ENTREP2: variants seen among roughly 807,000 people sequenced by gnomAD.
ENTREP2 encodes the protein protein ENTREP2.
At chr15:29,255,961 A>G in the ENTREP2 span, among the ~76,000 whole-genome samples, 3 of 149,228 alleles carry the variant, frequency 2.0e-5, no homozygotes, top group African/African-American at 5.0e-5. Context: ...AGATCACGCT[A>G]CTGCACTCCA....
the ENTREP2 span, among the ~76,000 whole-genome samples, chr15:29,186,318 T>C: frequency 1.2e-3 from 188 of 152,312 alleles, 1 homozygote; most frequent in Non-Finnish European, 1.9e-3. Flanking sequence ...GGTCCCTGCA[T>C]TGGGGGAAGG....
chr15:29,577,197 G>A, the ENTREP2 span, among the ~76,000 whole-genome samples: 2 of 152,044 alleles, frequency 1.3e-5, no homozygotes, highest in Non-Finnish European at 2.9e-5. Flanking sequence ...CATTTCTGGT[G>A]GGAATGTAAA....
chr15:29,137,129 G>A, the ENTREP2 span: 5 of 1,476,776 alleles, frequency 3.4e-6, no homozygotes, highest in South Asian at 4.2e-5. Flanking sequence ...CCAGGGTCTG[G>A]TGGAGAACGG....
chr15:29,659,533 G>A, the ENTREP2 span, among the ~76,000 whole-genome samples: 1 of 151,998 alleles, frequency 6.6e-6, no homozygotes, highest in Non-Finnish European at 1.5e-5. Flanking sequence ...CACTGTCTAG[G>A]TCATGAAACA....
the ENTREP2 span, among the ~76,000 whole-genome samples, chr15:29,246,821 C>T: frequency 1.3e-5 from 2 of 151,958 alleles, no homozygotes; most frequent in African/African-American, 2.4e-5. Flanking sequence ...TGGAATTATC[C>T]GCTACTCCCT....
the ENTREP2 span, chr15:29,235,200 CAGAT>C: frequency 1.1e-5 from 7 of 640,994 alleles, no homozygotes; most frequent in African/African-American, 7.4e-5. Context: ...TGTCATAAAA[CAGAT>C]AGTTCTATAG....
At chr15:29,646,903 T>C in the ENTREP2 span, among the ~76,000 whole-genome samples, 1 of 152,174 alleles carries the variant, frequency 6.6e-6, no homozygotes, top group East Asian at 1.9e-4. Flanking sequence ...ATCAATGGGT[T>C]ACTACAGTGG....
chr15:29,416,315 T>C, the ENTREP2 span, among the ~76,000 whole-genome samples: 1 of 152,036 alleles, frequency 6.6e-6, no homozygotes, highest in African/African-American at 2.4e-5. Flanking sequence ...ACCAATGGAA[T>C]ACAACAGAGC....
the ENTREP2 span, among the ~76,000 whole-genome samples, chr15:29,140,583 C>T: frequency 5.3e-5 from 8 of 152,154 alleles, no homozygotes; most frequent in Non-Finnish European, 1.0e-4. Flanking sequence ...GCTCTAATCC[C>T]TACTATCAAA....
chr15:29,174,136 C>T, the ENTREP2 span, among the ~76,000 whole-genome samples: 6 of 152,328 alleles, frequency 3.9e-5, no homozygotes, highest in East Asian at 1.2e-3. Flanking sequence ...AAGCCATCTA[C>T]AGATGTGACT....
chr15:29,639,830 A>G, the ENTREP2 span, among the ~76,000 whole-genome samples: 1 of 146,432 alleles, frequency 6.8e-6, no homozygotes, highest in Non-Finnish European at 1.5e-5. Context: ...GTGCAATGGC[A>G]TAATCTCGGC....
At chr15:29,431,027 A>G in the ENTREP2 span, among the ~76,000 whole-genome samples, 1 of 152,112 alleles carries the variant, frequency 6.6e-6, no homozygotes, top group Non-Finnish European at 1.5e-5. Context: ...ACCCCATTCC[A>G]GGAGCATGTA....
the ENTREP2 span, among the ~76,000 whole-genome samples, chr15:29,657,483 C>CGGGGGAG: frequency 2.9e-5 from 2 of 69,434 alleles, no homozygotes; most frequent in African/African-American, 1.2e-4. Context: ...GCTGGGGGGG[C>CGGGGGAG]GGGGGGGGGG....
At chr15:29,636,620 G>A in the ENTREP2 span, among the ~76,000 whole-genome samples, 5 of 152,268 alleles carry the variant, frequency 3.3e-5, no homozygotes, top group African/African-American at 4.8e-5. Flanking sequence ...CTGATACGAC[G>A]CTCCTGCCAC....
At chr15:29,500,119 T>C in the ENTREP2 span, among the ~76,000 whole-genome samples, 5,218 of 152,182 alleles carry the variant, frequency 0.034, 283 homozygotes, top group African/African-American at 0.12. Flanking sequence ...ATTGACAGAA[T>C]TGAAATACAA....
At chr15:29,195,524 T>C in the ENTREP2 span, among the ~76,000 whole-genome samples, 4 of 152,110 alleles carry the variant, frequency 2.6e-5, no homozygotes, top group African/African-American at 9.7e-5. Context: ...TTTATATTTA[T>C]TTATCCATTT....
At chr15:29,552,347 CAG>C in the ENTREP2 span, among the ~76,000 whole-genome samples, 1 of 152,074 alleles carries the variant, frequency 6.6e-6, no homozygotes, top group Non-Finnish European at 1.5e-5. Flanking sequence ...AACAAATATA[CAG>C]AGTTATATGA....
the ENTREP2 span, among the ~76,000 whole-genome samples, chr15:29,536,539 G>T: frequency 6.6e-6 from 1 of 151,332 alleles, no homozygotes; most frequent in Non-Finnish European, 1.5e-5. Flanking sequence ...GGGAGGCAGA[G>T]GTTGCAGTGA....
At chr15:29,489,036 T>C in the ENTREP2 span, among the ~76,000 whole-genome samples, 372 of 152,280 alleles carry the variant, frequency 2.4e-3, no homozygotes, top group African/African-American at 8.6e-3. Flanking sequence ...TTTGGACTTT[T>C]ATAGAGGGAG....
Sources: gnomAD v4.1 joint callset for allele counts (sites outside exome capture counted in the v4.1 genomes callset) on GRCh38, gnomAD v4.1.1 for gene constraint, MANE v1.5 for transcripts, NCBI Gene and HGNC (gene_info 2026-07-23, HGNC 2026-07-21) for gene names.